Variants in ZMAT4 observed in about 807,000 individuals in gnomAD.
ZMAT4 encodes the protein zinc finger matrin-type 4.
A neutral mutation model predicts 28.7 loss-of-function variants in ZMAT4; 17 were observed. The ratio of observed to expected loss-of-function variants is 0.59; its 90% CI spans 0.41 to 0.89. The LOEUF (loss-of-function observed/expected upper bound fraction) is 0.89, where lower values mean the gene tolerates loss of function less well. Ranked by LOEUF, ZMAT4 falls within the 40% of genes least tolerant of loss-of-function variation. The pLI, the probability that ZMAT4 is intolerant of heterozygous loss-of-function variation, is 0.00. For missense variants in ZMAT4, 240 were observed against 283.8 expected (o/e 0.85, Z 1.11); for synonymous variants, 117 against 109.2 (o/e 1.07, Z -0.44).
At chr8:40,558,283 A>G (rs1803613482) in intron 6 of ZMAT4, among the ~76,000 whole-genome samples, 1 of 152,066 alleles carries the variant, frequency 6.6e-6, no homozygotes, top group African/African-American at 2.4e-5. Context: ...AGCGGAGGGG[A>G]CTATGATCTG....
rs150844793 is a variant in ZMAT4 at position 40,767,443 on chromosome 8, A to G, written c.192+198T>C. The stretch of plus-strand genomic sequence containing the variant: ...GTGCAATGTCATCAAAAACTCCTCC[A>G]ATACTATATGGGCAAGTTCTGGCAG... On this transcript the variant is annotated intron_variant, in intron 3 of 6. Coordinates refer to ENST00000297737, the MANE Select transcript of ZMAT4 (RefSeq NM_024645.3). Among the ~76,000 whole-genome samples the G allele has an allele frequency of 6.7e-3, 1,025 of 152,220 alleles. 17 individuals carry two copies. Among genetic ancestry groups the G allele is most frequent in the African/African-American group, 0.023 (965 of 41,500 alleles).
chr8:40,776,648 C>T (rs1347559354), intron 2 of ZMAT4, among the ~76,000 whole-genome samples: 1 of 152,104 alleles, frequency 6.6e-6, no homozygotes, highest in South Asian at 2.1e-4. Flanking sequence ...CCAGAAAGCC[C>T]TTGAAGAGAA....
At chr8:40,826,548 A>G (rs892712208) in intron 1 of ZMAT4, among the ~76,000 whole-genome samples, 1 of 152,220 alleles carries the variant, frequency 6.6e-6, no homozygotes, top group Non-Finnish European at 1.5e-5. Flanking sequence ...TTTAAGCGGT[A>G]TAAAATCTAG....
At chr8:40,825,250 T>G (rs916619115) in intron 2 of ZMAT4, among the ~76,000 whole-genome samples, 1 of 152,166 alleles carries the variant, frequency 6.6e-6, no homozygotes, top group Non-Finnish European at 1.5e-5. Flanking sequence ...CATTGCACCC[T>G]GGATCCCTGA....
chr8:40,540,746 AG>A (rs1390147830), intron 6 of ZMAT4, among the ~76,000 whole-genome samples: 3 of 152,220 alleles, frequency 2.0e-5, no homozygotes, highest in African/African-American at 7.2e-5. Flanking sequence ...TAAGTTGTGA[AG>A]TCTGCACTAA....
chr8:40,621,247 C>T (rs893126271), intron 5 of ZMAT4, among the ~76,000 whole-genome samples: 8 of 152,292 alleles, frequency 5.3e-5, no homozygotes, highest in African/African-American at 1.7e-4. Flanking sequence ...AACAGGGCCA[C>T]CTGTCCAGGA....
At chr8:40,534,332 G>A (rs530898622) in intron 6 of ZMAT4, among the ~76,000 whole-genome samples, 2 of 152,188 alleles carry the variant, frequency 1.3e-5, no homozygotes, top group Non-Finnish European at 2.9e-5. Flanking sequence ...AAAAGAACAC[G>A]GAAAATTTCA....
chr8:40,607,545 AT>A (rs1245399342), intron 5 of ZMAT4, among the ~76,000 whole-genome samples: 2 of 150,626 alleles, frequency 1.3e-5, no homozygotes, highest in Non-Finnish European at 3.0e-5. Context: ...CAATTTGGAG[AT>A]TTTTTTCTTG....
At chr8:40,718,084 T>C (rs1483776005) in intron 3 of ZMAT4, among the ~76,000 whole-genome samples, 1 of 152,232 alleles carries the variant, frequency 6.6e-6, no homozygotes, top group Non-Finnish European at 1.5e-5. Flanking sequence ...ACACTGCATT[T>C]AGCATTTTGT....
At position 40,552,421 on chromosome 8, in the gene ZMAT4, A is replaced by G. The variant is rs543992043; in HGVS notation, c.675-20183T>C. On this transcript the variant is annotated intron_variant, in intron 6 of 6. Coordinates refer to ENST00000297737, the MANE Select transcript of ZMAT4 (RefSeq NM_024645.3). ...CAGTTGGTCCCCTTCCCTTATTCCT[A>G]CTATCCAAGTCTTTATGTCCTCTCC... Among the ~76,000 whole-genome samples, 257 of 152,194 alleles carry G rather than the reference A, an allele frequency of 1.7e-3. 1 individual carries two copies. Among genetic ancestry groups the G allele is most frequent in the Non-Finnish European group, 3.0e-3 (206 of 68,008 alleles).
At chr8:40,805,443 A>G (rs889094555) in intron 2 of ZMAT4, among the ~76,000 whole-genome samples, 7 of 149,942 alleles carry the variant, frequency 4.7e-5, no homozygotes. Context: ...TACTGGGTAT[A>G]TACCCAAAGG....
chr8:40,872,142 T>C (rs1429962924), intron 1 of ZMAT4, among the ~76,000 whole-genome samples: 1 of 152,138 alleles, frequency 6.6e-6, no homozygotes, highest in African/African-American at 2.4e-5. Context: ...GAGGAGCTGC[T>C]CAAGCAGCTT....
At chr8:40,816,075 G>A (rs961890002) in intron 2 of ZMAT4, among the ~76,000 whole-genome samples, 3 of 152,092 alleles carry the variant, frequency 2.0e-5, no homozygotes, top group African/African-American at 7.2e-5. Context: ...ACAATACTAC[G>A]TGTTCACCAA....
chr8:40,643,770 C>A (rs2599659), intron 5 of ZMAT4, among the ~76,000 whole-genome samples: 2 of 143,318 alleles, frequency 1.4e-5, no homozygotes, highest in East Asian at 4.1e-4. Flanking sequence ...GAGTGTGCGT[C>A]TGTGTGTTTG....
intron 5 of ZMAT4, among the ~76,000 whole-genome samples, chr8:40,652,670 C>G (rs1457925855): frequency 1.8e-5 from 2 of 113,488 alleles, no homozygotes; most frequent in African/African-American, 3.0e-5. Flanking sequence ...ATAGCAAAGA[C>G]TTGGAACCAA....
intron 2 of ZMAT4, among the ~76,000 whole-genome samples, chr8:40,810,753 G>A (rs1287714178): frequency 6.6e-6 from 1 of 152,110 alleles, no homozygotes; most frequent in Non-Finnish European, 1.5e-5. Context: ...ACCATGAGCA[G>A]ATATAACAGG....
chr8:40,631,919 C>G (rs1050670351), intron 5 of ZMAT4, among the ~76,000 whole-genome samples: 1 of 152,166 alleles, frequency 6.6e-6, no homozygotes, highest in Non-Finnish European at 1.5e-5. Context: ...AATACTCAGA[C>G]GAAACCTCTC....
chr8:40,749,961 C>T (rs973653950), intron 3 of ZMAT4, among the ~76,000 whole-genome samples: 1 of 152,176 alleles, frequency 6.6e-6, no homozygotes, highest in African/African-American at 2.4e-5. Flanking sequence ...GCCTGTGACA[C>T]AGGGCAGGTG....
At chr8:40,626,112 GAAAAA>G (rs34224019) in intron 5 of ZMAT4, among the ~76,000 whole-genome samples, 17 of 128,318 alleles carry the variant, frequency 1.3e-4, no homozygotes, top group African/African-American at 3.6e-4. Context: ...CTCTGCCTCA[GAAAAA>G]AAAAAAAAAA....
Sources: allele counts gnomAD v4.1 joint callset (sites outside exome capture counted in the v4.1 genomes callset), GRCh38; gene constraint gnomAD v4.1.1; transcripts MANE v1.5; gene names NCBI Gene and HGNC (gene_info 2026-07-23, HGNC 2026-07-21).